PAK2: variants seen among roughly 807,000 people sequenced by gnomAD.
PAK2 encodes serine/threonine-protein kinase PAK 2.
In PAK2, 21 loss-of-function variants were observed where a neutral mutation model predicts 65.9. That is an observed-to-expected ratio of 0.32 (90% CI 0.23 to 0.46). The LOEUF (loss-of-function observed/expected upper bound fraction) is 0.46. Among genes scored for constraint, PAK2 ranks in the 20% least tolerant of loss-of-function variants. The pLI is 1.00. For missense variants in PAK2, 324 were observed against 642.6 expected, an observed-to-expected ratio of 0.50 and a Z score of 5.36; for synonymous variants, 204 against 219.7, an observed-to-expected ratio of 0.93 and a Z score of 0.63.
chr3:196,755,144 T>C (rs1161392922), intron 1 of PAK2, among the ~76,000 whole-genome samples: 1 of 152,238 alleles, frequency 6.6e-6, no homozygotes, highest in East Asian at 1.9e-4. Flanking sequence ...TCTGATTTGA[T>C]AGCATTATTT....
intron 2 of PAK2, among the ~76,000 whole-genome samples, chr3:196,789,975 C>T (rs1715018276): frequency 6.6e-6 from 1 of 152,184 alleles, no homozygotes; most frequent in Non-Finnish European, 1.5e-5. Context: ...GGTGCTCACT[C>T]CCCACTGCTC....
chr3:196,778,270 A>G (rs1411157827), intron 1 of PAK2, among the ~76,000 whole-genome samples: 3 of 151,592 alleles, frequency 2.0e-5, no homozygotes, highest in Non-Finnish European at 2.9e-5. Flanking sequence ...TGGATACACC[A>G]CGTTTTGTGT....
At chr3:196,764,008 G>A (rs1025532801) in intron 1 of PAK2, among the ~76,000 whole-genome samples, 4 of 147,990 alleles carry the variant, frequency 2.7e-5, no homozygotes, top group Admixed American at 6.8e-5. Flanking sequence ...GGGTTTCACC[G>A]TGTTAGCCAG....
intron 1 of PAK2, among the ~76,000 whole-genome samples, chr3:196,772,884 C>T (rs184796133): frequency 1.3e-5 from 2 of 152,210 alleles, no homozygotes; most frequent in Non-Finnish European, 2.9e-5. Context: ...TTAAGGCTCA[C>T]TTGTTATTTA....
At chr3:196,796,311 T>C (rs983188722) in intron 2 of PAK2, among the ~76,000 whole-genome samples, 10 of 152,202 alleles carry the variant, frequency 6.6e-5, no homozygotes, top group African/African-American at 2.2e-4. Context: ...AAACATTAAG[T>C]AACAAAAGTC....
chr3:196,739,903 T>C lies in PAK2; in HGVS notation c.-276T>C, dbSNP rs1200592752. ...GGCCACGCGCAGCGGCGGCGGTTGT[T>C]CCGCTTCCCCTCCGGCCCGGGCCGT... On this transcript the variant is annotated 5_prime_UTR_variant, in exon 1 of 15. Coordinates refer to ENST00000327134, the MANE Select transcript of PAK2 (RefSeq NM_002577.4). 1 of 152,088 alleles carries C rather than the reference T, an allele frequency of 6.6e-6. No homozygotes were observed. Among genetic ancestry groups the C allele is most frequent in the Non-Finnish European group, 1.5e-5 (1 of 68,100 alleles). The allele number at this position is 152,088 out of a possible 1,614,324, so 9.4% of individuals were successfully genotyped here.
In PAK2 at chr3:196,806,611, A is replaced by G; in HGVS notation, c.501A>G (p.Val167=). 1 of 1,612,956 alleles carries G rather than the reference A, an allele frequency of 6.2e-7. No homozygotes were observed. The highest frequency in any genetic ancestry group is 1.1e-5 in the South Asian group (1 of 91,068). Residue 167 remains valine, a synonymous_variant, in exon 6 of 15, where the codon GTA becomes GTG. Coordinates refer to ENST00000327134, the MANE Select transcript of PAK2 (RefSeq NM_002577.4). Reference sequence around the variant, plus strand: ...CCAAGGGAACAGAAGCACCCGCAGTAGTGACAGAGGAGGAGGATGATGATG... The same window carrying G: ...CCAAGGGAACAGAAGCACCCGCAGTGGTGACAGAGGAGGAGGATGATGATG... ...LNAKGTEAPA[V]VTEEEDDDEE...
intron 5 of PAK2, among the ~76,000 whole-genome samples, 179 bp from the exon 6 acceptor site, chr3:196,806,400 A>G (rs1018518321): frequency 3.3e-5 from 5 of 152,206 alleles, no homozygotes; most frequent in African/African-American, 1.2e-4. Context: ...CATGATTCAT[A>G]GAATCGCCTT....
chr3:196,807,728 G>A, intron 6 of PAK2, 54 bp from the exon 7 acceptor site: 1 of 1,034,030 alleles, frequency 9.7e-7, no homozygotes, highest in Non-Finnish European at 1.5e-6. Flanking sequence ...TTGCCAGGAA[G>A]AATATCTGAA....
chr3:196,782,608 T>C lies in PAK2; in HGVS notation c.-21-18T>C, dbSNP rs1381649133. The C allele has an allele frequency of 8.6e-6, 11 of 1,272,614 alleles. No homozygotes were observed. Among genetic ancestry groups the C allele is most frequent in the Non-Finnish European group, 1.2e-5 (11 of 903,538 alleles). The allele number at this position is 1,272,614 out of a possible 1,614,324, so 78.8% of individuals were successfully genotyped here. On this transcript the variant is annotated intron_variant, in intron 1 of 14. Coordinates refer to ENST00000327134, the MANE Select transcript of PAK2 (RefSeq NM_002577.4). ...CTATTTTTTACTTTGTTACTAATTG[T>C]ATTTTTTCCAATTCCAGGCCATTTC...
intron 1 of PAK2, chr3:196,747,167 CCTG>C (rs1378995007): frequency 4.6e-5 from 4 of 87,416 alleles, no homozygotes; most frequent in African/African-American, 1.1e-4. Context: ...ATTTTGCTCT[CCTG>C]CTTTTTTTTT....
At chr3:196,768,488 T>G (rs56253848) in intron 1 of PAK2, among the ~76,000 whole-genome samples, 3,375 of 148,638 alleles carry the variant, frequency 0.023, 137 homozygotes, top group African/African-American at 0.074. Flanking sequence ...TTTATTTTAT[T>G]TATATATGTA....
At position 196,806,575 on chromosome 3, in the gene PAK2, G is replaced by A. The variant is rs1283653159; in HGVS notation, c.469-4G>A. 3 of 1,576,240 alleles carry A rather than the reference G, an allele frequency of 1.9e-6. No homozygotes were observed. The highest frequency in any genetic ancestry group is 2.6e-6 in the Non-Finnish European group (3 of 1,145,672). ...TTTCCTTACTTTGCTCATCATCAAT[G>A]CAGCTGAATGCCAAGGGAACAGAAG... On this transcript the variant is annotated splice_polypyrimidine_tract_variant and splice_region_variant and intron_variant, in intron 5 of 14. Transcript: ENST00000327134.
chr3:196,826,908 A>G (rs1216133643), intron 13 of PAK2, among the ~76,000 whole-genome samples: 5 of 152,078 alleles, frequency 3.3e-5, no homozygotes, highest in Non-Finnish European at 7.4e-5. Flanking sequence ...GTGACAGAGC[A>G]AGATTCCGTC....
chr3:196,793,101 A>T (rs1213866165), intron 2 of PAK2, among the ~76,000 whole-genome samples: 1 of 152,176 alleles, frequency 6.6e-6, no homozygotes. Flanking sequence ...GTTGAAAATC[A>T]ACATCGAAAG....
At chr3:196,751,898 A>G (rs540118151) in intron 1 of PAK2, among the ~76,000 whole-genome samples, 3 of 150,286 alleles carry the variant, frequency 2.0e-5, no homozygotes, top group Non-Finnish European at 3.0e-5. Context: ...GCATGCCACC[A>G]CTCTCAGCTA....
intron 11 of PAK2, among the ~76,000 whole-genome samples, chr3:196,815,582 AT>A (rs1715994030): frequency 6.6e-6 from 1 of 151,710 alleles, no homozygotes; most frequent in Admixed American, 6.6e-5. Context: ...AGGTCAAGAG[AT>A]TGAGACCATC....
intron 1 of PAK2, among the ~76,000 whole-genome samples, chr3:196,778,283 C>T (rs1044969286): frequency 6.6e-6 from 1 of 152,146 alleles, no homozygotes; most frequent in East Asian, 1.9e-4. Flanking sequence ...TTTTGTGTAT[C>T]CGTTCATCAG....
At chr3:196,808,102 T>G (rs920745579) in intron 7 of PAK2, 188 bp downstream of exon 7, 4 of 491,662 alleles carry the variant, frequency 8.1e-6, no homozygotes, top group African/African-American at 8.0e-5. Context: ...ATCCCAGCAC[T>G]AGGTCAGGAG....
Sources: gnomAD v4.1 joint callset for allele counts (sites outside exome capture counted in the v4.1 genomes callset) on GRCh38, gnomAD v4.1.1 for gene constraint, MANE v1.5 for transcripts, NCBI Gene and HGNC (gene_info 2026-07-23, HGNC 2026-07-21) for gene names.